MYO1E: variants seen among roughly 807,000 people sequenced by gnomAD.
MYO1E encodes the protein myosin IE, also known as unconventional myosin-Ie.
In MYO1E, 68 loss-of-function variants were observed where a neutral mutation model predicts 151.1. That is an observed-to-expected ratio of 0.45 (90% CI 0.37 to 0.55). The LOEUF (loss-of-function observed/expected upper bound fraction) is 0.55. MYO1E is among the 20% of genes least tolerant of loss of function. MYO1E has a pLI of 0.00. For synonymous variants in MYO1E, 601 were observed against 501.7 expected (o/e 1.20, Z -2.64); for missense variants, 1,363 against 1,389.3 (o/e 0.98, Z 0.30).
At chr15:59,157,699 C>T (rs1195206488) in intron 25 of MYO1E, among the ~76,000 whole-genome samples, 8 of 150,954 alleles carry the variant, frequency 5.3e-5, no homozygotes, top group Non-Finnish European at 5.9e-5. Flanking sequence ...AGTGAAAGCG[C>T]TTCCTTTAAG....
chr15:59,186,588 C>T (rs535164309), intron 18 of MYO1E, among the ~76,000 whole-genome samples: 2 of 151,990 alleles, frequency 1.3e-5, no homozygotes, highest in African/African-American at 2.4e-5. Flanking sequence ...CCTGTCTCTA[C>T]GAAAAGTAAA....
chr15:59,254,555 A>G (rs745384667), intron 4 of MYO1E, among the ~76,000 whole-genome samples: 6 of 152,206 alleles, frequency 3.9e-5, no homozygotes, highest in African/African-American at 4.8e-5. Flanking sequence ...GAATGGGAGG[A>G]CCAAATAAAA....
chr15:59,139,259 C>G (rs1328258885), intron 26 of MYO1E, among the ~76,000 whole-genome samples: 1 of 73,178 alleles, frequency 1.4e-5, no homozygotes, highest in African/African-American at 2.9e-5. Flanking sequence ...CCTCACACTT[C>G]CCTCCCACCC....
chr15:59,139,027 C>A (rs1596337976), intron 26 of MYO1E, among the ~76,000 whole-genome samples: 1 of 152,090 alleles, frequency 6.6e-6, no homozygotes, highest in Non-Finnish European at 1.5e-5. Context: ...CAGTTTACTT[C>A]TCCAGGGCAC....
intron 1 of MYO1E, among the ~76,000 whole-genome samples, chr15:59,310,668 GT>G (rs1308785492): frequency 6.6e-6 from 1 of 152,112 alleles, no homozygotes. Context: ...CATTTCTGTT[GT>G]TTTAAGCCAC....
chr15:59,334,580 C>G (rs928017458), intron 1 of MYO1E, among the ~76,000 whole-genome samples: 1 of 152,150 alleles, frequency 6.6e-6, no homozygotes, highest in Admixed American at 6.5e-5. Flanking sequence ...ATATTCCCCC[C>G]ACTGGTGACA....
chr15:59,363,799 G>A (rs762095070), intron 1 of MYO1E, among the ~76,000 whole-genome samples: 6 of 152,104 alleles, frequency 3.9e-5, no homozygotes, highest in African/African-American at 9.7e-5. Context: ...TTTTGGAGAC[G>A]GAATCTTGCT....
intron 1 of MYO1E, among the ~76,000 whole-genome samples, chr15:59,282,087 T>C (rs140304956): frequency 4.6e-5 from 7 of 152,366 alleles, no homozygotes; most frequent in African/African-American, 1.7e-4. Flanking sequence ...GCATTCCCTA[T>C]TGGGCCTTTT....
intron 5 of MYO1E, among the ~76,000 whole-genome samples, chr15:59,236,352 G>T (rs371308819): frequency 2.6e-5 from 3 of 116,720 alleles, no homozygotes; most frequent in African/African-American, 6.6e-5. Flanking sequence ...TCTCAAAAAA[G>T]AAAAAAAAAA....
Position 59,234,241 on chromosome 15 carries a change from GATGGGTGC to G in MYO1E, c.420+2336_420+2343del, listed in dbSNP as rs1293213651. ...GGATGGATGGATGGATGGATGGATG[GATGGGTGC>G]ATGGATGGATGGGTGCATGGATGGA... On this transcript the variant is annotated intron_variant, in intron 5 of 27. Transcript: ENST00000288235. Among the ~76,000 whole-genome samples, 608 of 140,716 alleles carry G rather than the reference GATGGGTGC, an allele frequency of 4.3e-3. 12 individuals carry two copies. Among genetic ancestry groups the G allele is most frequent in the Middle Eastern group, 0.014 (4 of 286 alleles). 92.3% of individuals were successfully genotyped at this position (140,716 alleles called of 152,430 possible). A position where few individuals can be genotyped will look rare whatever the true frequency, so the allele number is the denominator to read the frequency against.
Position 59,214,290 on chromosome 15 carries a change from T to TA in MYO1E, c.1212dup (p.Ile405TyrfsTer5). The TA allele has an allele frequency of 6.2e-7, 1 of 1,611,940 alleles. No homozygotes were observed. Among genetic ancestry groups the TA allele is most frequent in the Non-Finnish European group, 8.5e-7 (1 of 1,179,340 alleles). On this transcript the variant is annotated frameshift_variant, in exon 12 of 28. Coordinates refer to ENST00000288235, the MANE Select transcript of MYO1E (RefSeq NM_004998.4). LOFTEE classifies it high-confidence loss of function. ...TGCAGTTTTTCATTAACAAAATTGA[T>TA]ACAAAACTGTTCAAAGCCATTTTTC...
At chr15:59,172,712 T>A (rs573117447) in intron 21 of MYO1E, among the ~76,000 whole-genome samples, 1 of 152,366 alleles carries the variant, frequency 6.6e-6, no homozygotes. Context: ...AGTGTCTGCA[T>A]ATATTTTCTT....
Position 59,372,594 on chromosome 15 carries a change from TC to T in MYO1E, c.-95del, listed in dbSNP as rs1484292271. The T allele has an allele frequency of 4.1e-6, 6 of 1,478,688 alleles. No individual in the cohort carries two copies. The African/African-American group carries it at 5.7e-5, about 14-fold the overall frequency. 91.6% of individuals were successfully genotyped at this position (1,478,688 alleles called of 1,614,324 possible). ...TTCTGGGCGAACTTCAAAAGTTGGT[TC>T]CCCTCGCCAAAAACAGGCTCCCGAC... is the stretch of plus-strand genomic sequence containing the variant. On this transcript the variant is annotated 5_prime_UTR_variant, in exon 1 of 28. Coordinates refer to ENST00000288235, the MANE Select transcript of MYO1E (RefSeq NM_004998.4).
intron 25 of MYO1E, among the ~76,000 whole-genome samples, chr15:59,158,024 C>A (rs1202573178): frequency 6.6e-6 from 1 of 152,216 alleles, no homozygotes; most frequent in Non-Finnish European, 1.5e-5. Flanking sequence ...TTCTCTCTGT[C>A]AGAAGCCTTT....
intron 13 of MYO1E, among the ~76,000 whole-genome samples, chr15:59,209,405 T>G (rs1034517509): frequency 6.6e-6 from 1 of 151,894 alleles, no homozygotes; most frequent in Non-Finnish European, 1.5e-5. Context: ...TGGCCGGGCA[T>G]GGTGGCTCAT....
At chr15:59,270,285 C>A (rs2080281450) in intron 2 of MYO1E, among the ~76,000 whole-genome samples, 1 of 152,092 alleles carries the variant, frequency 6.6e-6, no homozygotes, top group Admixed American at 6.5e-5. Context: ...GGCGCAGTGG[C>A]TCATACGTGT....
chr15:59,210,436 A>G, intron 13 of MYO1E, 78 bp downstream of exon 13: 1 of 1,074,396 alleles, frequency 9.3e-7, no homozygotes, highest in Non-Finnish European at 1.4e-6. Flanking sequence ...GCCTGTTCTA[A>G]AACAATGACA....
chr15:59,240,918 G>C (rs2080095862), intron 4 of MYO1E, among the ~76,000 whole-genome samples: 2 of 152,236 alleles, frequency 1.3e-5, no homozygotes, highest in Admixed American at 6.5e-5. Flanking sequence ...AATGAGATGT[G>C]GCTCCTGTCA....
intron 2 of MYO1E, among the ~76,000 whole-genome samples, chr15:59,264,157 A>C (rs1172788953): frequency 2.0e-5 from 3 of 152,222 alleles, no homozygotes; most frequent in African/African-American, 7.2e-5. Context: ...CAAAATCGAA[A>C]TGCTCTGAAG....
Sources: allele counts gnomAD v4.1 joint callset (sites outside exome capture counted in the v4.1 genomes callset), GRCh38; gene constraint gnomAD v4.1.1; transcripts MANE v1.5; gene names NCBI Gene and HGNC (gene_info 2026-07-23, HGNC 2026-07-21).